PPIL6: variants seen among roughly 807,000 people sequenced by gnomAD.
PPIL6 encodes peptidylprolyl isomerase like 6, also known as probable inactive peptidyl-prolyl cis-trans isomerase-like 6.
Under a neutral mutation model 36.8 loss-of-function variants are expected in PPIL6, and 39 were observed. The observed-to-expected ratio is 1.06, with a 90% confidence interval of 0.82 to 1.38. The LOEUF is 1.38. PPIL6 is among the 40% of genes most tolerant of loss of function. The pLI is 0.00. For missense variants in PPIL6, 368 were observed against 379.1 expected, an observed-to-expected ratio of 0.97 and a Z score of 0.24; for synonymous variants, 123 against 134.1, an observed-to-expected ratio of 0.92 and a Z score of 0.57.
At chr6:109,418,230 A>AT (rs1198315067) in intron 6 of PPIL6, 2 of 153,160 alleles carry the variant, frequency 1.3e-5, no homozygotes, top group Non-Finnish European at 2.9e-5. Context: ...TTCCATCTGC[A>AT]TGGGAGCCTG....
chr6:109,431,156 C>T lies in PPIL6; in HGVS notation c.420+1G>A, dbSNP rs781294457. ...TTTCTTTAAAAGTTAGTATAACTTG[C>T]CTTGGTGTCTCTTAAGAACTTAGCG... On this transcript the variant is annotated splice_donor_variant, in intron 3 of 7. Transcript: ENST00000521072. LOFTEE classifies it high-confidence loss of function. 21 of 1,593,318 alleles carry T rather than the reference C, an allele frequency of 1.3e-5. No homozygotes were observed. The Admixed American group carries it at 3.3e-4, about 25-fold the overall frequency.
chr6:109,404,777 T>C (rs539361404), intron 6 of PPIL6, among the ~76,000 whole-genome samples: 26 of 152,272 alleles, frequency 1.7e-4, no homozygotes, highest in Non-Finnish European at 1.5e-5. Flanking sequence ...AAGATATCTT[T>C]TCGGCCGGGT....
rs1386631179 is a variant in PPIL6, at chr6:109,440,237, C to T, written c.135+219G>A. 5 of 641,276 alleles carry T rather than the reference C, an allele frequency of 7.8e-6. No homozygotes were observed. In the Admixed American group the frequency reaches 1.1e-4, roughly 14 times the overall value. The allele number at this position is 641,276 out of a possible 1,614,324, so 39.7% of individuals were successfully genotyped here. ...TTCGCTCAGTTCTCCCTTTAAAAGT[C>T]GCCAAGTGGAACGCCCGCCCCCGGA... On this transcript the variant is annotated intron_variant, in intron 1 of 7. Coordinates refer to ENST00000521072, the MANE Select transcript of PPIL6 (RefSeq NM_173672.5).
intron 3 of PPIL6, among the ~76,000 whole-genome samples, chr6:109,427,427 A>G (rs1398293001): frequency 6.6e-6 from 1 of 152,084 alleles, no homozygotes; most frequent in Non-Finnish European, 1.5e-5. Flanking sequence ...TCTGTCCCCC[A>G]GGCTGGGGTG....
At chr6:109,437,345 A>T (rs1774501582) in intron 1 of PPIL6, among the ~76,000 whole-genome samples, 3 of 152,260 alleles carry the variant, frequency 2.0e-5, no homozygotes, top group East Asian at 3.9e-4. Context: ...GTGCTGGCCT[A>T]GCACAGGTCA....
At chr6:109,432,885 A>G (rs537688960) in intron 2 of PPIL6, among the ~76,000 whole-genome samples, 11 of 152,288 alleles carry the variant, frequency 7.2e-5, no homozygotes, top group Admixed American at 2.0e-4. Flanking sequence ...CATTCTCCTC[A>G]GCAGATTTAA....
At chr6:109,430,033 A>T (rs1774047406) in intron 3 of PPIL6, among the ~76,000 whole-genome samples, 1 of 152,164 alleles carries the variant, frequency 6.6e-6, no homozygotes, top group African/African-American at 2.4e-5. Context: ...TTGAACATTA[A>T]ATGCCTCCCC....
At chr6:109,393,110 G>A (rs1772157049) in intron 7 of PPIL6, among the ~76,000 whole-genome samples, 173 bp from the exon 8 acceptor site, 1 of 152,170 alleles carries the variant, frequency 6.6e-6, no homozygotes, top group African/African-American at 2.4e-5. Context: ...TACCACACCT[G>A]CAGTATCCAG....
rs1165146831 is a variant in PPIL6, at chr6:109,413,292, A to G, written c.688+5895T>C. On this transcript the variant is annotated intron_variant, in intron 6 of 7. Coordinates refer to ENST00000521072, the MANE Select transcript of PPIL6 (RefSeq NM_173672.5). This position sits in a 1 kb window ranked among gnomAD's most constrained non-coding sequence, Gnocchi z 4.6. ...AAAAACCTAATAATCAGATTATAAA[A>G]TGGGCAAAAGATTTGAACAGACATT... Among the ~76,000 whole-genome samples, 4 of 152,202 alleles carry G rather than the reference A, an allele frequency of 2.6e-5. No homozygotes were observed. The highest frequency in any genetic ancestry group is 5.9e-5 in the Non-Finnish European group (4 of 68,034).
Position 109,413,268 on chromosome 6 carries a change from A to G in PPIL6, c.688+5919T>C, listed in dbSNP as rs960863479. ...AGGAGCTCAAACAACTCTACAGGAA[A>G]AAACCTAATAATCAGATTATAAAAT... On this transcript the variant is annotated intron_variant, in intron 6 of 7. Transcript: ENST00000521072. This position sits in a 1 kb window ranked among gnomAD's most constrained non-coding sequence, Gnocchi z 4.6. Among the ~76,000 whole-genome samples, 3 of 152,228 alleles carry G rather than the reference A, an allele frequency of 2.0e-5. No homozygotes were observed. The highest frequency in any genetic ancestry group is 6.5e-5 in the Admixed American group (1 of 15,286).
chr6:109,396,535 C>T (rs538579735), intron 7 of PPIL6, among the ~76,000 whole-genome samples: 1 of 152,296 alleles, frequency 6.6e-6, no homozygotes, highest in African/African-American at 2.4e-5. Flanking sequence ...CCTCTTCACT[C>T]TTCCTAAAAC....
rs750148201 is a variant in PPIL6, at chr6:109,440,359, C to A, written c.135+97G>T. 46 of 1,419,586 alleles carry A rather than the reference C, an allele frequency of 3.2e-5. No homozygotes were observed. In the East Asian group the frequency reaches 5.8e-4, roughly 18 times the overall value. 87.9% of individuals were successfully genotyped at this position (1,419,586 alleles called of 1,614,324 possible). A position where few individuals can be genotyped will look rare whatever the true frequency, so the allele number is the denominator to read the frequency against. On this transcript the variant is annotated intron_variant, in intron 1 of 7. Coordinates refer to ENST00000521072, the MANE Select transcript of PPIL6 (RefSeq NM_173672.5). Reference sequence around the variant, plus strand: ...CCTTCCTCGGCCGGTGGGGCCTCGACCCCCGCCGCCTCGAGGAGGCGCGGC... The same window carrying A: ...CCTTCCTCGGCCGGTGGGGCCTCGAACCCCGCCGCCTCGAGGAGGCGCGGC...
intron 3 of PPIL6, among the ~76,000 whole-genome samples, chr6:109,427,997 T>C (rs985191581): frequency 4.6e-5 from 7 of 152,192 alleles, no homozygotes; most frequent in African/African-American, 1.7e-4. Flanking sequence ...CAGGTCCCTA[T>C]ATCCATAGCA....
At chr6:109,440,762 GGCGGCC>G, upstream of PPIL6, 1 of 373,668 alleles carries the variant, frequency 2.7e-6, no homozygotes, top group Non-Finnish European at 4.2e-6. Flanking sequence ...CCGGCGCGCG[GGCGGCC>G]GCGACCGCCG....
chr6:109,418,548 CTTTTTTT>C (rs796535898), intron 6 of PPIL6, among the ~76,000 whole-genome samples: 114 of 135,936 alleles, frequency 8.4e-4, no homozygotes, highest in African/African-American at 3.1e-3. Flanking sequence ...ATCTTTTTTT[CTTTTTTT>C]TTTTTTTTTG....
chr6:109,414,069 A>G (rs184260427), intron 6 of PPIL6, among the ~76,000 whole-genome samples: 26 of 152,368 alleles, frequency 1.7e-4, no homozygotes, highest in African/African-American at 6.0e-4. Context: ...GAGGGCAACT[A>G]TAGTCAATAA....
intron 6 of PPIL6, among the ~76,000 whole-genome samples, chr6:109,417,910 C>T (rs1362218476): frequency 6.6e-6 from 1 of 152,168 alleles, no homozygotes. Context: ...CTTTACCTTC[C>T]TGAATATGCA....
upstream of PPIL6, chr6:109,440,952 G>A (rs961718551): frequency 2.4e-5 from 15 of 627,766 alleles, no homozygotes; most frequent in Non-Finnish European, 4.0e-5. Context: ...GTTGCCGGGG[G>A]AACGCGGGAG....
chr6:109,429,879 G>A (rs766801056), intron 3 of PPIL6, among the ~76,000 whole-genome samples: 5 of 152,150 alleles, frequency 3.3e-5, no homozygotes, highest in South Asian at 2.1e-4. Flanking sequence ...TCAATCAGAG[G>A]AGCTTGGTAA....
Sources: allele counts gnomAD v4.1 joint callset (sites outside exome capture counted in the v4.1 genomes callset), GRCh38; gene constraint gnomAD v4.1.1; non-coding constraint Gnocchi (gnomAD v3.1); transcripts MANE v1.5; gene names NCBI Gene and HGNC (gene_info 2026-07-23, HGNC 2026-07-21).